Variants in PLD5 observed in about 807,000 individuals in gnomAD.
The protein encoded by PLD5 is phospholipase D family member 5, also known as inactive phospholipase D5.
Under a neutral mutation model 61.1 loss-of-function variants are expected in PLD5, and 36 were observed. That is an observed-to-expected ratio of 0.59 (90% CI 0.45 to 0.78). PLD5 has a LOEUF of 0.78. Among genes scored for constraint, PLD5 ranks in the 30% least tolerant of loss-of-function variants. The pLI is 0.00. For synonymous variants in PLD5, 243 were observed against 242.8 expected (o/e 1.00, Z -0.01); for missense variants, 515 against 644.4 (o/e 0.80, Z 2.17).
At position 242,153,449 on chromosome 1, in the gene PLD5, G is replaced by A. The variant is rs370932820; in HGVS notation, c.736-28784C>T. On this transcript the variant is annotated intron_variant, in intron 5 of 9. Transcript: ENST00000536534. ...CCATGCCTATGTCCTGAATGGTATC[G>A]CCTAGGTTTTCTTCTAGGGTTTTTA... Among the ~76,000 whole-genome samples the A allele has an allele frequency of 5.5e-4, 83 of 151,612 alleles. 2 individuals are homozygous for A. The South Asian group carries it at 0.016, about 30-fold the overall frequency.
At chr1:242,425,317 G>T (rs1029439880) in intron 1 of PLD5, among the ~76,000 whole-genome samples, 1 of 152,202 alleles carries the variant, frequency 6.6e-6, no homozygotes, top group African/African-American at 2.4e-5. Context: ...AACCTGTGTA[G>T]CATGTAACTG....
chr1:242,209,833 C>T (rs1415987787), intron 5 of PLD5, among the ~76,000 whole-genome samples: 5 of 152,252 alleles, frequency 3.3e-5, no homozygotes, highest in Admixed American at 1.3e-4. Context: ...CTCACTCTGT[C>T]GCCCAGGCTG....
At chr1:242,289,495 C>A (rs1255121920) in intron 2 of PLD5, among the ~76,000 whole-genome samples, 1 of 152,158 alleles carries the variant, frequency 6.6e-6, no homozygotes, top group Non-Finnish European at 1.5e-5. Flanking sequence ...ATTACAGACA[C>A]CTGCCACCAT....
chr1:242,396,668 C>CTTTCTTTTTTTTTTTTTTTTTTTTTTT (rs1479365427), intron 1 of PLD5, among the ~76,000 whole-genome samples: 1 of 125,150 alleles, frequency 8.0e-6, no homozygotes, highest in African/African-American at 3.9e-5. Context: ...TCTTTCTTTT[C>CTTTCTTTTTTTTTTTTTTTTTTTTTTT]TTTTCTTTTT....
At chr1:242,254,347 TG>T (rs1232057262) in intron 4 of PLD5, among the ~76,000 whole-genome samples, 60 of 71,690 alleles carry the variant, frequency 8.4e-4, no homozygotes, top group South Asian at 1.2e-3. Flanking sequence ...CTCATTTAAC[TG>T]AAAAAAAAAA....
chr1:242,193,449 G>C (rs1165887442), intron 5 of PLD5, among the ~76,000 whole-genome samples: 1 of 152,190 alleles, frequency 6.6e-6, no homozygotes, highest in Non-Finnish European at 1.5e-5. Context: ...TCCCGTGGAG[G>C]AGGGTGGCCA....
At position 242,124,783 on chromosome 1, in the gene PLD5, T is replaced by C; in HGVS notation, c.736-118A>G. On this transcript the variant is annotated intron_variant, in intron 5 of 9. Coordinates refer to ENST00000536534, the MANE Select transcript of PLD5 (RefSeq NM_001372062.1). ...GACATCTTTTTTCTTGCATTTGAAG[T>C]AAGTAGATATAGTTACATTATGGTA... 3 of 774,120 alleles carry C rather than the reference T, an allele frequency of 3.9e-6. No homozygotes were observed. In the South Asian group the frequency reaches 5.6e-5, roughly 14 times the overall value. 48.0% of individuals were successfully genotyped at this position (774,120 alleles called of 1,614,324 possible). A position where few individuals can be genotyped will look rare whatever the true frequency, so the allele number is the denominator to read the frequency against.
intron 1 of PLD5, among the ~76,000 whole-genome samples, chr1:242,350,769 C>T (rs1660428821): frequency 6.6e-6 from 1 of 152,154 alleles, no homozygotes; most frequent in African/African-American, 2.4e-5. Context: ...TCCAAGTCCA[C>T]TCCTGCCTGT....
chr1:242,272,028 A>AAAAAAAT (rs1234116944), intron 3 of PLD5, among the ~76,000 whole-genome samples: 1 of 152,170 alleles, frequency 6.6e-6, no homozygotes, highest in African/African-American at 2.4e-5. Flanking sequence ...CAGTATTAAG[A>AAAAAAAT]AAAAAATATA....
At chr1:242,375,955 A>G (rs186055903) in intron 1 of PLD5, among the ~76,000 whole-genome samples, 42 of 152,330 alleles carry the variant, frequency 2.8e-4, no homozygotes, top group Admixed American at 2.4e-3. Context: ...TTTTGACAGC[A>G]AAGGGTTAAG....
chr1:242,345,461 A>C, intron 2 of PLD5: 2 of 613,152 alleles, frequency 3.3e-6, no homozygotes, highest in Non-Finnish European at 5.9e-6. Flanking sequence ...GCAAGGCTAG[A>C]GTATTGGGAA....
intron 1 of PLD5, among the ~76,000 whole-genome samples, chr1:242,450,301 C>T (rs1000250706): frequency 7.9e-5 from 12 of 152,178 alleles, no homozygotes; most frequent in African/African-American, 2.9e-4. Context: ...GCCTTTCCTT[C>T]GCCACCTGTA....
chr1:242,087,330 G>A lies in PLD5; in HGVS notation c.*2524C>T, dbSNP rs1659522756. 3 of 152,058 alleles carry A rather than the reference G, an allele frequency of 2.0e-5. No individual in the cohort carries two copies. Among genetic ancestry groups the A allele is most frequent in the African/African-American group, 4.8e-5 (2 of 41,368 alleles). The allele number at this position is 152,058 out of a possible 1,614,324, so 9.4% of individuals were successfully genotyped here. ...ATTTTGCCAGGCCTCAAAAGGAAAT[G>A]GCAATGATGGTCATTCCGTAATGGA... On this transcript the variant is annotated 3_prime_UTR_variant, in exon 10 of 10. Transcript: ENST00000536534.
At chr1:242,353,180 C>T (rs901348643) in intron 1 of PLD5, among the ~76,000 whole-genome samples, 1 of 151,996 alleles carries the variant, frequency 6.6e-6, no homozygotes, top group African/African-American at 2.4e-5. Flanking sequence ...TTTCTTTAAC[C>T]CATTTTGAGT....
chr1:242,482,467 G>T (rs1667812381), intron 1 of PLD5, among the ~76,000 whole-genome samples: 1 of 152,144 alleles, frequency 6.6e-6, no homozygotes, highest in Admixed American at 6.5e-5. Context: ...AGTGATGGAA[G>T]ATCAAATGAA....
At chr1:242,380,511 CA>C (rs1369340608) in intron 1 of PLD5, among the ~76,000 whole-genome samples, 7 of 152,218 alleles carry the variant, frequency 4.6e-5, no homozygotes, top group African/African-American at 1.4e-4. Flanking sequence ...TTGCTTCTCC[CA>C]AACCCTCTCA....
At chr1:242,462,880 C>CT (rs1667163086) in intron 1 of PLD5, among the ~76,000 whole-genome samples, 1 of 152,174 alleles carries the variant, frequency 6.6e-6, no homozygotes. Context: ...GAGTCAATTC[C>CT]TTTTTTCTCA....
chr1:242,246,478 A>AACACACACACACACACAC (rs34723926), intron 4 of PLD5, among the ~76,000 whole-genome samples: 2,414 of 141,152 alleles, frequency 0.017, 46 homozygotes, highest in Middle Eastern at 0.04. Context: ...TAGAAAAGAC[A>AACACACACACACACACAC]ACACACACAC....
At chr1:242,346,024 C>T (rs1185490196) in intron 2 of PLD5, among the ~76,000 whole-genome samples, 5 of 62,860 alleles carry the variant, frequency 8.0e-5, no homozygotes, top group Non-Finnish European at 1.5e-4. Context: ...CCCCCCCCCC[C>T]ATATATACAA....
Sources: allele counts gnomAD v4.1 joint callset (sites outside exome capture counted in the v4.1 genomes callset), GRCh38; gene constraint gnomAD v4.1.1; transcripts MANE v1.5; gene names NCBI Gene and HGNC (gene_info 2026-07-23, HGNC 2026-07-21).